Variants in HECTD4 observed in about 807,000 individuals in gnomAD.
HECTD4 encodes probable E3 ubiquitin-protein ligase HECTD4.
HECTD4 carries 114 observed loss-of-function variants against 471.5 expected under a neutral mutation model. The observed-to-expected ratio is 0.24, with a 90% CI of 0.21 to 0.28. HECTD4 has a LOEUF of 0.28. Among genes scored for constraint, HECTD4 ranks in the 10% least tolerant of loss-of-function variants. The probability of loss-of-function intolerance (pLI) is 1.00; values close to 1 mark genes in which losing one functional copy is unlikely to be tolerated. For synonymous variants in HECTD4, 2,012 were observed against 2,256.0 expected, an observed-to-expected ratio of 0.89 and a Z score of 3.07; for missense variants, 3,866 against 5,651.5, an observed-to-expected ratio of 0.68 and a Z score of 10.13.
intron 1 of HECTD4, among the ~76,000 whole-genome samples, chr12:112,368,350 T>G (rs1043917342): frequency 2.0e-5 from 3 of 152,204 alleles, no homozygotes; most frequent in Non-Finnish European, 4.4e-5. Context: ...TCCCTCGAAA[T>G]TATAAAGTAG....
chr12:112,270,520 T>A, intron 11 of HECTD4, 61 bp from the exon 12 acceptor site: 4 of 1,369,214 alleles, frequency 2.9e-6, no homozygotes, highest in Non-Finnish European at 3.1e-6. Context: ...CCCCAAAGAA[T>A]AGACCTTTGA....
At chr12:112,306,033 C>G in intron 7 of HECTD4, 31 bp downstream of exon 7, 1 of 1,570,068 alleles carries the variant, frequency 6.4e-7, no homozygotes, top group Non-Finnish European at 8.6e-7. Flanking sequence ...AATGTTTCTG[C>G]AAAGATACAA....
chr12:112,345,361 A>G (rs1594062264), intron 1 of HECTD4, among the ~76,000 whole-genome samples: 1 of 152,202 alleles, frequency 6.6e-6, no homozygotes, highest in East Asian at 1.9e-4. Context: ...AATAAACAAG[A>G]CTCTAACTCC....
chr12:112,170,132 G>T, intron 69 of HECTD4: 1 of 702,006 alleles, frequency 1.4e-6, no homozygotes, highest in South Asian at 1.9e-5. Context: ...GCCCCCGGGA[G>T]CCAAGCTCCT....
chr12:112,302,072 G>A, intron 7 of HECTD4: 1 of 1,371,318 alleles, frequency 7.3e-7, no homozygotes. Context: ...GGCGACAGTG[G>A]TGCAGGTCTT....
chr12:112,207,115 T>TA, intron 52 of HECTD4, among the ~76,000 whole-genome samples: 1 of 144,178 alleles, frequency 6.9e-6, no homozygotes. Flanking sequence ...TATGTGTGTG[T>TA]GTGTATGTAT....
rs117014727 is a variant in HECTD4, at chr12:112,360,580, T to C, written c.177+21372A>G. The stretch of plus-strand genomic sequence containing the variant: ...GTATTAAAATATATACCAGAAAATG[T>C]ATCATTAAGATGCACTTTTGCAAAA... On this transcript the variant is annotated intron_variant, in intron 1 of 75. Transcript: ENST00000682272. Among the ~76,000 whole-genome samples, 318 of 152,326 alleles carry C rather than the reference T, an allele frequency of 2.1e-3. 1 individual carries two copies. The highest frequency in any genetic ancestry group is 3.7e-3 in the Non-Finnish European group (251 of 68,026).
rs1259745436 is a variant in HECTD4 at position 112,163,399 on chromosome 12, CAA to C, written c.12898-137_12898-136del. ...GTGGGCTGTGAGCACAGGGAGATGACAATGATGACAATGATACAGGTCTGTGG... is the reference window on the plus strand; with the variant it reads ...GTGGGCTGTGAGCACAGGGAGATGACTGATGACAATGATACAGGTCTGTGG... On this transcript the variant is annotated intron_variant, in intron 74 of 75. Coordinates refer to ENST00000682272, the MANE Select transcript of HECTD4 (RefSeq NM_001388303.1). The surrounding 1 kb of genome is among the most constrained non-coding windows in gnomAD (Gnocchi z 8.2). 9.9e-7 allele frequency: 1 copy of C among 1,010,558 alleles called. No homozygotes were observed. Among genetic ancestry groups the C allele is most frequent in the African/African-American group, 1.6e-5 (1 of 61,252 alleles). The allele number at this position is 1,010,558 out of a possible 1,614,324, so 62.6% of individuals were successfully genotyped here. A position where few individuals can be genotyped will look rare whatever the true frequency, so the allele number is the denominator to read the frequency against.
chr12:112,372,813 G>GT (rs1252567475), intron 1 of HECTD4, among the ~76,000 whole-genome samples: 1 of 152,086 alleles, frequency 6.6e-6, no homozygotes, highest in Non-Finnish European at 1.5e-5. Flanking sequence ...CTGGAGTACA[G>GT]TGACAGTCTT....
At chr12:112,377,993 C>A (rs2135772600) in intron 1 of HECTD4, among the ~76,000 whole-genome samples, 1 of 152,310 alleles carries the variant, frequency 6.6e-6, no homozygotes, top group Non-Finnish European at 1.5e-5. Flanking sequence ...AGGAGGGATT[C>A]TTTCTTTAGA....
At position 112,268,235 on chromosome 12, in the gene HECTD4, G is replaced by C. The variant is rs531321978; in HGVS notation, c.2322-1253C>G. 1.8e-4 allele frequency among the ~76,000 whole-genome samples: 28 copies of C among 152,220 alleles called. No homozygotes were observed. The East Asian group carries it at 5.2e-3, about 28-fold the overall frequency. On this transcript the variant is annotated intron_variant, in intron 13 of 75. Transcript: ENST00000682272. ...CCAATGAAACCATCACCACAATCAA[G>C]ATAGTGAATATACCCATCCCCTCCA...
chr12:112,275,555 G>T (rs2034508007), intron 9 of HECTD4, among the ~76,000 whole-genome samples: 1 of 151,866 alleles, frequency 6.6e-6, no homozygotes, highest in Non-Finnish European at 1.5e-5. Context: ...AATAATAAAA[G>T]TCCTACCTTA....
intron 1 of HECTD4, among the ~76,000 whole-genome samples, chr12:112,372,003 C>T (rs1267773521): frequency 5.3e-5 from 8 of 151,574 alleles, no homozygotes; most frequent in Non-Finnish European, 1.2e-4. Context: ...GATAGTTTTG[C>T]TTTCAAATAC....
intron 1 of HECTD4, among the ~76,000 whole-genome samples, chr12:112,355,607 A>G (rs1243588234): frequency 1.3e-5 from 2 of 151,344 alleles, no homozygotes; most frequent in Non-Finnish European, 2.9e-5. Flanking sequence ...TAAAAATACA[A>G]AAATTAGCTG....
rs374885114 is a variant in HECTD4, at chr12:112,216,403, A to C, written c.7386-32T>G. On this transcript the variant is annotated intron_variant, in intron 47 of 75. Transcript: ENST00000682272. ...AAAATACAAAGAAGGGAGGTCAAAG[A>C]CAAGAAAGATAAGCCTCACTGGCCA... is the stretch of plus-strand genomic sequence containing the variant. The C allele has an allele frequency of 1.5e-5, 22 of 1,459,806 alleles. No individual in the cohort carries two copies. The African/African-American group carries it at 3.1e-4, about 21-fold the overall frequency. The allele number at this position is 1,459,806 out of a possible 1,614,324, so 90.4% of individuals were successfully genotyped here. A position where few individuals can be genotyped will look rare whatever the true frequency, so the allele number is the denominator to read the frequency against.
chr12:112,203,536 A>G, intron 54 of HECTD4, 100 bp downstream of exon 54: 2 of 971,970 alleles, frequency 2.1e-6, no homozygotes, highest in South Asian at 2.0e-5. Context: ...TTGAAGAGAA[A>G]CTCATCTGTA....
In HECTD4 at chr12:112,163,498, G is replaced by A. The variant is rs2030787447; in HGVS notation, c.12897+44C>T. On this transcript the variant is annotated intron_variant, in intron 74 of 75. Transcript: ENST00000682272. The surrounding 1 kb of genome is among the most constrained non-coding windows in gnomAD (Gnocchi z 8.2). ...TTGAGGGTGACAGGGAGGCACGCCT[G>A]GGGCTCACCACCTCCCCGCCCAGCC... 2 of 1,427,398 alleles carry A rather than the reference G, an allele frequency of 1.4e-6. No homozygotes were observed. Among genetic ancestry groups the A allele is most frequent in the Non-Finnish European group, 1.9e-6 (2 of 1,078,486 alleles). The allele number at this position is 1,427,398 out of a possible 1,614,324, so 88.4% of individuals were successfully genotyped here. A position where few individuals can be genotyped will look rare whatever the true frequency, so the allele number is the denominator to read the frequency against.
In HECTD4 at chr12:112,251,080, C is replaced by T; in HGVS notation, c.3607G>A (p.Gly1203Ser). 6.2e-7 allele frequency: 1 copy of T among 1,613,978 alleles called. No homozygotes were observed. Among genetic ancestry groups the T allele is most frequent in the South Asian group, 1.1e-5 (1 of 91,080 alleles). ...ATGGAACAAGCTAACACAGACAGACCTAAAGCCAGGTCTACCAGAAAGGGC... is the reference window on the plus strand; with the variant it reads ...ATGGAACAAGCTAACACAGACAGACTTAAAGCCAGGTCTACCAGAAAGGGC... ...GLPFLVDLAL[G>S]LSVLACSMLR... The change falls in exon 24 of 76, where the codon GGT becomes AGT. Residue 1203 changes from glycine (G) to serine (S), a missense_variant. Physicochemically the swap from Gly to Ser is moderately conservative, Grantham distance 56 (BLOSUM62 0). Coordinates refer to ENST00000682272, the MANE Select transcript of HECTD4 (RefSeq NM_001388303.1).
At chr12:112,246,691 A>G (rs955478229) in intron 29 of HECTD4, among the ~76,000 whole-genome samples, 3 of 152,208 alleles carry the variant, frequency 2.0e-5, no homozygotes, top group Non-Finnish European at 4.4e-5. Flanking sequence ...TTAATGACAT[A>G]CAAGTATTTC....
Sources: allele counts gnomAD v4.1 joint callset (sites outside exome capture counted in the v4.1 genomes callset), GRCh38; gene constraint gnomAD v4.1.1; non-coding constraint Gnocchi (gnomAD v3.1); transcripts MANE v1.5; gene names NCBI Gene and HGNC (gene_info 2026-07-23, HGNC 2026-07-21).